The following DLGAP2 variants were observed in gnomAD, a reference collection of about 807,000 sequenced individuals.
The protein encoded by DLGAP2 is DLG associated protein 2, also known as disks large-associated protein 2.
In DLGAP2, 26 loss-of-function variants were observed where a neutral mutation model predicts 100.3. The ratio of observed to expected loss-of-function variants is 0.26; its 90% CI spans 0.19 to 0.36. The LOEUF is 0.36. Ranked by LOEUF, DLGAP2 falls within the 10% of genes least tolerant of loss-of-function variation. The pLI is 1.00. For missense variants in DLGAP2, 1,858 were observed against 1,453.2 expected (o/e 1.28, Z -4.53); for synonymous variants, 886 against 630.1 (o/e 1.41, Z -6.08).
chr8:795,751 G>C (rs564726258), intron 1 of DLGAP2, among the ~76,000 whole-genome samples: 1 of 147,120 alleles, frequency 6.8e-6, no homozygotes, highest in Non-Finnish European at 1.5e-5. Flanking sequence ...GTGAGAACAG[G>C]CGTCCAGTGA....
intron 1 of DLGAP2, among the ~76,000 whole-genome samples, chr8:835,396 C>T (rs985118121): frequency 1.3e-5 from 2 of 151,926 alleles, no homozygotes; most frequent in East Asian, 1.9e-4. Flanking sequence ...AAAATCAAAA[C>T]GTGACGACAT....
At chr8:1,623,496 C>G (rs1797404559) in intron 6 of DLGAP2, among the ~76,000 whole-genome samples, 1 of 151,350 alleles carries the variant, frequency 6.6e-6, no homozygotes, top group Non-Finnish European at 1.5e-5. Context: ...GATGACCTGG[C>G]ACCAGTGCGT....
At chr8:874,492 A>G (rs4735823) in intron 1 of DLGAP2, among the ~76,000 whole-genome samples, 2 of 152,132 alleles carry the variant, frequency 1.3e-5, no homozygotes, top group Non-Finnish European at 2.9e-5. Context: ...TGTTTAATTT[A>G]CACAAACTGG....
intron 10 of DLGAP2, among the ~76,000 whole-genome samples, chr8:1,670,780 C>T (rs1319290709): frequency 6.6e-6 from 1 of 152,174 alleles, no homozygotes; most frequent in Non-Finnish European, 1.5e-5. Flanking sequence ...TGAAAAGCTA[C>T]AGAGAAAATG....
chr8:870,117 A>G (rs772370633), intron 1 of DLGAP2, among the ~76,000 whole-genome samples: 2 of 151,802 alleles, frequency 1.3e-5, no homozygotes, highest in African/African-American at 4.8e-5. Flanking sequence ...CTTTCTTAAG[A>G]TTTTCTCTCT....
intron 3 of DLGAP2, among the ~76,000 whole-genome samples, chr8:1,420,841 A>C (rs146466737): frequency 4.5e-4 from 68 of 152,292 alleles, no homozygotes; most frequent in Non-Finnish European, 8.5e-4. Flanking sequence ...GCCATTTCAG[A>C]GGTGCTTCCC....
At chr8:765,957 G>A (rs1267078889) in intron 1 of DLGAP2, among the ~76,000 whole-genome samples, 4 of 152,118 alleles carry the variant, frequency 2.6e-5, no homozygotes, top group Admixed American at 6.5e-5. Flanking sequence ...TCACAAGGTC[G>A]GGAATTCGAG....
intron 3 of DLGAP2, among the ~76,000 whole-genome samples, chr8:1,343,795 T>A (rs1376902668): frequency 3.3e-5 from 5 of 152,088 alleles, no homozygotes; most frequent in Non-Finnish European, 7.4e-5. Context: ...GCTTCACGCC[T>A]GCTGTGGCAC....
intron 1 of DLGAP2, among the ~76,000 whole-genome samples, chr8:858,832 C>G (rs922932193): frequency 1.3e-5 from 2 of 152,210 alleles, no homozygotes; most frequent in African/African-American, 4.8e-5. Context: ...TGCATTTCTC[C>G]AAACCCACAG....
chr8:1,288,217 GGTT>G (rs1799984427), intron 3 of DLGAP2, among the ~76,000 whole-genome samples: 1 of 98,362 alleles, frequency 1.0e-5, no homozygotes, highest in Non-Finnish European at 2.0e-5. Context: ...GTGTGTGTGT[GGTT>G]AGGAGGGGAA....
chr8:1,641,033 G>A (rs1409962028), intron 8 of DLGAP2, among the ~76,000 whole-genome samples: 1 of 152,138 alleles, frequency 6.6e-6, no homozygotes, highest in Non-Finnish European at 1.5e-5. Flanking sequence ...TCCTGGCTGT[G>A]GGGAAGGAGA....
At chr8:1,687,528 G>T (rs1204317293) in intron 12 of DLGAP2, among the ~76,000 whole-genome samples, 1 of 152,148 alleles carries the variant, frequency 6.6e-6, no homozygotes, top group Non-Finnish European at 1.5e-5. Context: ...CTCACTCACT[G>T]AACAGCAAAA....
chr8:1,332,236 A>G (rs1585268043), intron 3 of DLGAP2, among the ~76,000 whole-genome samples: 1 of 152,098 alleles, frequency 6.6e-6, no homozygotes, highest in East Asian at 1.9e-4. Context: ...GTGTGCCTGC[A>G]TATGTGAGTA....
chr8:1,627,806 C>G (rs1000979338), intron 7 of DLGAP2, among the ~76,000 whole-genome samples: 1 of 152,056 alleles, frequency 6.6e-6, no homozygotes, highest in Non-Finnish European at 1.5e-5. Flanking sequence ...GCCGACCTCA[C>G]ATTCTCTCTG....
At chr8:1,140,650 G>A (rs1796505595) in intron 2 of DLGAP2, among the ~76,000 whole-genome samples, 1 of 152,136 alleles carries the variant, frequency 6.6e-6, no homozygotes, top group African/African-American at 2.4e-5. Context: ...TTGTCCTCCT[G>A]TAGTTCTTGC....
Position 1,105,634 on chromosome 8 carries a change from C to G in DLGAP2, c.74-153217C>G, listed in dbSNP as rs1804732515. 7.3e-5 allele frequency among the ~76,000 whole-genome samples: 9 copies of G among 123,978 alleles called. No homozygotes were observed. In the South Asian group the frequency reaches 2.5e-3, roughly 34 times the overall value. The allele number at this position is 123,978 out of a possible 152,430, so 81.3% of individuals were successfully genotyped here. On this transcript the variant is annotated intron_variant, in intron 2 of 14. Transcript: ENST00000637795. ...CATTCTAGGGTTTTTTTTTTTTTTACTGAAGGGAGCCATTCTAGGAGGGTT... is the reference window on the plus strand; with the variant it reads ...CATTCTAGGGTTTTTTTTTTTTTTAGTGAAGGGAGCCATTCTAGGAGGGTT...
At chr8:1,506,378 C>G (rs891066397) in intron 4 of DLGAP2, among the ~76,000 whole-genome samples, 1 of 152,132 alleles carries the variant, frequency 6.6e-6, no homozygotes, top group East Asian at 1.9e-4. Flanking sequence ...AAGCTGTGGA[C>G]CTTTTGGGTG....
At chr8:1,355,805 C>T (rs1173998572) in intron 3 of DLGAP2, among the ~76,000 whole-genome samples, 1 of 152,182 alleles carries the variant, frequency 6.6e-6, no homozygotes, top group African/African-American at 2.4e-5. Flanking sequence ...CAACCCCCAC[C>T]CCACGGTCCT....
chr8:1,174,976 C>T (rs1563231469), intron 2 of DLGAP2, among the ~76,000 whole-genome samples: 1 of 152,066 alleles, frequency 6.6e-6, no homozygotes, highest in African/African-American at 2.4e-5. Flanking sequence ...TTTCTAGTTC[C>T]CCCAAGAATG....
Sources: allele counts gnomAD v4.1 joint callset (sites outside exome capture counted in the v4.1 genomes callset), GRCh38; gene constraint gnomAD v4.1.1; transcripts MANE v1.5; gene names NCBI Gene and HGNC (gene_info 2026-07-23, HGNC 2026-07-21).